The following RPTOR variants were observed in gnomAD, a reference collection of about 807,000 sequenced individuals.
The protein encoded by RPTOR is regulatory-associated protein of mTOR.
In RPTOR, 21 loss-of-function variants were observed where a neutral mutation model predicts 169.9. The observed-to-expected ratio is 0.12, with a 90% confidence interval of 0.09 to 0.18. The LOEUF (loss-of-function observed/expected upper bound fraction) is 0.18. Ranked by LOEUF, RPTOR falls within the 10% of genes least tolerant of loss-of-function variation. The pLI is 1.00. For synonymous variants in RPTOR, 732 were observed against 753.2 expected, an observed-to-expected ratio of 0.97 and a Z score of 0.46; for missense variants, 1,133 against 1,855.9, an observed-to-expected ratio of 0.61 and a Z score of 7.16.
chr17:80,910,601 C>T (rs1384524666), intron 21 of RPTOR, among the ~76,000 whole-genome samples: 2 of 152,122 alleles, frequency 1.3e-5, no homozygotes, highest in Non-Finnish European at 2.9e-5. Context: ...CGAGGAGCCA[C>T]GGCTTCCCAT....
chr17:80,863,125 C>A (rs2067939140), intron 13 of RPTOR, among the ~76,000 whole-genome samples: 1 of 152,188 alleles, frequency 6.6e-6, no homozygotes, highest in Non-Finnish European at 1.5e-5. Context: ...CGGAAGAACA[C>A]CATGTGCCAC....
intron 2 of RPTOR, among the ~76,000 whole-genome samples, chr17:80,634,503 CATACTGTGTGT>C (rs2065478558): frequency 4.4e-5 from 4 of 90,040 alleles, no homozygotes; most frequent in African/African-American, 2.3e-4. Context: ...TGTGTGTGTG[CATACTGTGTGT>C]GTGTGCGTAC....
At chr17:80,616,175 C>G (rs900075699) in intron 1 of RPTOR, among the ~76,000 whole-genome samples, 1 of 152,072 alleles carries the variant, frequency 6.6e-6, no homozygotes. Flanking sequence ...ATGAATGACT[C>G]AGTCCCATGA....
rs1555627949 is a variant in RPTOR, at chr17:80,860,886, G to GTCATATCTACATGGA, written c.1509+2986_1509+2987insTCATATCTACATGGA. Among the ~76,000 whole-genome samples, 1 of 146,894 alleles carries GTCATATCTACATGGA rather than the reference G, an allele frequency of 6.8e-6. No individual in the cohort carries two copies. ...ACCGTGCTTGCCATCTCTCCCAGCT[G>GTCATATCTACATGGA]CTCCTGATTTCCTGAGCTGGATGCG... On this transcript the variant is annotated intron_variant, in intron 13 of 33. Coordinates refer to ENST00000306801, the MANE Select transcript of RPTOR (RefSeq NM_020761.3). The surrounding 1 kb of genome is among the most constrained non-coding windows in gnomAD (Gnocchi z 5.8).
At chr17:80,550,720 C>T (rs1287737124) in intron 1 of RPTOR, among the ~76,000 whole-genome samples, 2 of 152,154 alleles carry the variant, frequency 1.3e-5, no homozygotes, top group African/African-American at 2.4e-5. Context: ...AACCCATCAG[C>T]GTTACTTCCA....
intron 21 of RPTOR, among the ~76,000 whole-genome samples, chr17:80,918,410 C>G (rs1379830311): frequency 6.6e-6 from 1 of 151,828 alleles, no homozygotes; most frequent in Admixed American, 6.6e-5. Flanking sequence ...CACGAGCACC[C>G]TCGCGGGGGT....
At chr17:80,717,196 C>T (rs1404889318) in intron 4 of RPTOR, among the ~76,000 whole-genome samples, 1 of 152,150 alleles carries the variant, frequency 6.6e-6, no homozygotes. Flanking sequence ...GCATGCACCC[C>T]TCTCCTTGAC....
chr17:80,697,575 G>A (rs1198844651), intron 3 of RPTOR, among the ~76,000 whole-genome samples: 7 of 152,186 alleles, frequency 4.6e-5, no homozygotes, highest in East Asian at 3.9e-4. Flanking sequence ...TGCAGGTGGC[G>A]GCGTGATAGG....
At chr17:80,862,041 G>A (rs575359167) in intron 13 of RPTOR, among the ~76,000 whole-genome samples, 51 of 152,252 alleles carry the variant, frequency 3.3e-4, no homozygotes, top group African/African-American at 9.9e-4. Flanking sequence ...AGGCTGCAGC[G>A]TGCCTTCGTT....
At chr17:80,806,776 T>C (rs1393182952) in intron 7 of RPTOR, among the ~76,000 whole-genome samples, 1 of 152,266 alleles carries the variant, frequency 6.6e-6, no homozygotes, top group Non-Finnish European at 1.5e-5. Flanking sequence ...GAATATTGCT[T>C]ATACGTATAT....
intron 6 of RPTOR, among the ~76,000 whole-genome samples, chr17:80,770,635 T>G (rs559958249): frequency 1.6e-3 from 249 of 152,354 alleles, no homozygotes; most frequent in Non-Finnish European, 2.9e-3. Context: ...ACATCTTCTC[T>G]GTTACTGTTC....
At chr17:80,938,385 C>G (rs952681087) in intron 24 of RPTOR, among the ~76,000 whole-genome samples, 2 of 152,246 alleles carry the variant, frequency 1.3e-5, no homozygotes, top group African/African-American at 4.8e-5. Flanking sequence ...CTTCTAGACT[C>G]TTCCTCTAAT....
chr17:80,615,001 A>G (rs1413375194), intron 1 of RPTOR, among the ~76,000 whole-genome samples: 2 of 152,124 alleles, frequency 1.3e-5, no homozygotes, highest in East Asian at 1.9e-4. Flanking sequence ...TAGTTGGGTC[A>G]TGGGGAGAGT....
chr17:80,653,147 C>G (rs1054213808), intron 3 of RPTOR, among the ~76,000 whole-genome samples: 1 of 152,150 alleles, frequency 6.6e-6, no homozygotes, highest in Non-Finnish European at 1.5e-5. Flanking sequence ...GGTATAATTT[C>G]TGTTGTGAGG....
At chr17:80,761,063 T>C (rs2066732415) in intron 6 of RPTOR, among the ~76,000 whole-genome samples, 1 of 152,246 alleles carries the variant, frequency 6.6e-6, no homozygotes, top group South Asian at 2.1e-4. Context: ...GCAATGACAT[T>C]ACTTTCCACA....
chr17:80,878,172 C>T lies in RPTOR; in HGVS notation c.1510-2243C>T, dbSNP rs184908805. 1.4e-4 allele frequency among the ~76,000 whole-genome samples: 22 copies of T among 152,330 alleles called. No individual in the cohort carries two copies. Among genetic ancestry groups the T allele is most frequent in the Admixed American group, 1.0e-3 (16 of 15,304 alleles). ...GCATGCTGGGAGCTGGCAGAACGCA[C>T]GCCTCACTCTGTCGATGCAGTGTCT... is the stretch of plus-strand genomic sequence containing the variant. On this transcript the variant is annotated intron_variant, in intron 13 of 33. Coordinates refer to ENST00000306801, the MANE Select transcript of RPTOR (RefSeq NM_020761.3). The surrounding 1 kb of genome is among the most constrained non-coding windows in gnomAD (Gnocchi z 4.1).
intron 7 of RPTOR, among the ~76,000 whole-genome samples, chr17:80,807,349 C>T (rs547269365): frequency 2.6e-5 from 4 of 151,532 alleles, no homozygotes; most frequent in Non-Finnish European, 4.4e-5. Context: ...CCCCACCACC[C>T]TTTTTTTTGG....
chr17:80,577,757 G>A (rs1009976231), intron 1 of RPTOR, among the ~76,000 whole-genome samples: 2 of 152,216 alleles, frequency 1.3e-5, no homozygotes, highest in Non-Finnish European at 2.9e-5. Context: ...CATCTCCAGT[G>A]CCATTCTCTT....
At chr17:80,841,857 GGCAGCTGACTCACCGCACC>G (rs2067669574) in intron 10 of RPTOR, among the ~76,000 whole-genome samples, 4 of 90,440 alleles carry the variant, frequency 4.4e-5, no homozygotes, top group Admixed American at 1.2e-4. Flanking sequence ...CTCACCGCAC[GGCAGCTGACTCACCGCACC>G]GCAGCTCACT....
Sources: gnomAD v4.1 joint callset for allele counts (sites outside exome capture counted in the v4.1 genomes callset) on GRCh38, gnomAD v4.1.1 for gene constraint, Gnocchi (gnomAD v3.1) non-coding constraint, MANE v1.5 for transcripts, NCBI Gene and HGNC (gene_info 2026-07-23, HGNC 2026-07-21) for gene names.